SSRP1: variants seen among roughly 807,000 people sequenced by gnomAD.
SSRP1 encodes structure specific recognition protein 1, also known as FACT complex subunit SSRP1.
A neutral mutation model predicts 84.4 loss-of-function variants in SSRP1; 21 were observed. That is an observed-to-expected ratio of 0.25 (90% CI 0.18 to 0.36). The LOEUF is 0.36. SSRP1 is among the 10% of genes least tolerant of loss of function. The pLI is 1.00. For synonymous variants in SSRP1, 319 were observed against 318.3 expected (o/e 1.00, Z -0.02); for missense variants, 519 against 900.8 (o/e 0.58, Z 5.43).
chr11:57,330,411 C>A lies in SSRP1; in HGVS notation c.1315G>T (p.Asp439Tyr). ...GLKEGMNPSYDEYADSDEDQH... is the reference protein window; with the variant it reads ...GLKEGMNPSYYEYADSDEDQH... ...TCCTCATCAGAGTCAGCATATTCAT[C>A]GTAGCTTGGGTTCATGCCCTAGCCA... is the stretch of plus-strand genomic sequence containing the variant. Residue 439 changes from aspartate (D) to tyrosine (Y), a missense_variant, in exon 11 of 17, where the codon GAT becomes TAT. Coordinates refer to ENST00000278412, the MANE Select transcript of SSRP1 (RefSeq NM_003146.3). The surrounding 1 kb of genome is among the most constrained non-coding windows in gnomAD (Gnocchi z 4.0). 6.2e-7 allele frequency: 1 copy of A among 1,614,010 alleles called. No homozygotes were observed. The highest frequency in any genetic ancestry group is 8.5e-7 in the Non-Finnish European group (1 of 1,180,040).
At position 57,326,688 on chromosome 11, in the gene SSRP1, A is replaced by T. The variant is rs1180312237; in HGVS notation, c.2058+15T>A. The T allele has an allele frequency of 6.2e-7, 1 of 1,610,826 alleles. No individual in the cohort carries two copies. Among genetic ancestry groups the T allele is most frequent in the Non-Finnish European group, 8.5e-7 (1 of 1,178,212 alleles). ...TCACCCTGCCCAGCCCACAGGCCCC[A>T]CATTCCTGCCGCACCTCGCTCCTCC... On this transcript the variant is annotated intron_variant, in intron 16 of 16. Transcript: ENST00000278412.
Position 57,330,845 on chromosome 11 carries a change from A to G in SSRP1, c.1296+10T>C, listed in dbSNP as rs1453636645. On this transcript the variant is annotated intron_variant, in intron 10 of 16. Coordinates refer to ENST00000278412, the MANE Select transcript of SSRP1 (RefSeq NM_003146.3). The surrounding 1 kb of genome is among the most constrained non-coding windows in gnomAD (Gnocchi z 4.0). The stretch of plus-strand genomic sequence containing the variant: ...CAGGAGAGGGTCTCATCCTCCCCAC[A>G]CAGAAGTACCTCTTTCAATCCTCGG... 1 of 1,614,156 alleles carries G rather than the reference A, an allele frequency of 6.2e-7. No homozygotes were observed. Among genetic ancestry groups the G allele is most frequent in the Non-Finnish European group, 8.5e-7 (1 of 1,180,004 alleles).
chr11:57,331,899 G>A lies in SSRP1; in HGVS notation c.1002-10C>T, dbSNP rs181603095. 1.6e-4 allele frequency: 259 copies of A among 1,606,262 alleles called. 1 individual carries two copies. In the East Asian group the frequency reaches 2.4e-3, roughly 15 times the overall value. On this transcript the variant is annotated splice_polypyrimidine_tract_variant and intron_variant, in intron 8 of 16. Transcript: ENST00000278412. ...CTGGGCCCCTGAGTGCCTGACAGAGGGTGCAGGGAGCCTGGTTAGTGCCAA... is the reference window on the plus strand; with the variant it reads ...CTGGGCCCCTGAGTGCCTGACAGAGAGTGCAGGGAGCCTGGTTAGTGCCAA...
At position 57,330,676 on chromosome 11, in the gene SSRP1, T is replaced by TGGTCTAAGGTCTAAGGTCTAA; in HGVS notation, c.1296+178_1296+179insTTAGACCTTAGACCTTAGACC. The TGGTCTAAGGTCTAAGGTCTAA allele has an allele frequency of 6.9e-7, 1 of 1,456,404 alleles. No homozygotes were observed. Among genetic ancestry groups the TGGTCTAAGGTCTAAGGTCTAA allele is most frequent in the Non-Finnish European group, 9.0e-7 (1 of 1,110,040 alleles). 90.2% of individuals were successfully genotyped at this position (1,456,404 alleles called of 1,614,324 possible). A position where few individuals can be genotyped will look rare whatever the true frequency, so the allele number is the denominator to read the frequency against. On this transcript the variant is annotated intron_variant, in intron 10 of 16. Coordinates refer to ENST00000278412, the MANE Select transcript of SSRP1 (RefSeq NM_003146.3). The surrounding 1 kb of genome is among the most constrained non-coding windows in gnomAD (Gnocchi z 4.0). ...GGGGCTCCTGAGGGGCTGCATAGAC[T>TGGTCTAAGGTCTAAGGTCTAA]GGTCTAAGGTCATGCAGAGGAAACC...
rs1177899598 is a variant in SSRP1 at position 57,333,427 on chromosome 11, G to A, written c.346+8C>T. The A allele has an allele frequency of 5.0e-6, 8 of 1,611,826 alleles. No individual in the cohort carries two copies. The highest frequency in any genetic ancestry group is 1.7e-4 in the Middle Eastern group (1 of 6,058). ...CCTCCCCAAACCTCAGTCTTCCCCA[G>A]GACTCACCACCAAATTTCACTGTCC... On this transcript the variant is annotated splice_region_variant and intron_variant, in intron 4 of 16. Coordinates refer to ENST00000278412, the MANE Select transcript of SSRP1 (RefSeq NM_003146.3).
At chr11:57,327,666 C>T (rs1856012311) in intron 14 of SSRP1, 46 bp downstream of exon 14, 1 of 1,609,118 alleles carries the variant, frequency 6.2e-7, no homozygotes, top group African/African-American at 1.3e-5. Context: ...GACAGCACCT[C>T]TCGCCAGCCC....
At chr11:57,327,646 G>A (rs1227839611) in intron 14 of SSRP1, 66 bp downstream of exon 14, 6 of 1,603,084 alleles carry the variant, frequency 3.7e-6, no homozygotes, top group South Asian at 3.3e-5. Flanking sequence ...CATGAGACTC[G>A]CCACCCCAAG....
In SSRP1 at chr11:57,330,409, A is replaced by T; in HGVS notation, c.1317T>A (p.Asp439Glu). 6.2e-7 allele frequency: 1 copy of T among 1,613,904 alleles called. No individual in the cohort carries two copies. ...GLKEGMNPSY[D>E]EYADSDEDQH... ...GGTCCTCATCAGAGTCAGCATATTCATCGTAGCTTGGGTTCATGCCCTAGC... is the reference window on the plus strand; with the variant it reads ...GGTCCTCATCAGAGTCAGCATATTCTTCGTAGCTTGGGTTCATGCCCTAGC... Residue 439 changes from aspartate to glutamate, a missense_variant, in exon 11 of 17, where the codon GAT (aspartate) becomes GAA (glutamate). By Grantham distance (45) the Asp-to-Glu change is conservative. Transcript: ENST00000278412. The surrounding 1 kb of genome is among the most constrained non-coding windows in gnomAD (Gnocchi z 4.0).
chr11:57,330,532 C>T lies in SSRP1; in HGVS notation c.1297-103G>A. On this transcript the variant is annotated intron_variant, in intron 10 of 16. Coordinates refer to ENST00000278412, the MANE Select transcript of SSRP1 (RefSeq NM_003146.3). The surrounding 1 kb of genome is among the most constrained non-coding windows in gnomAD (Gnocchi z 4.0). ...TGCCTGTCAAGTCAGAGCAGCAGCT[C>T]CCAGAAGACCTGGGGCTGGATTGTC... 6.5e-7 allele frequency: 1 copy of T among 1,527,900 alleles called. No homozygotes were observed. The highest frequency in any genetic ancestry group is 1.2e-5 in the South Asian group (1 of 80,170). 94.6% of individuals were successfully genotyped at this position (1,527,900 alleles called of 1,614,324 possible). A position where few individuals can be genotyped will look rare whatever the true frequency, so the allele number is the denominator to read the frequency against.
Position 57,326,742 on chromosome 11 carries a change from C to T in SSRP1, c.2019G>A (p.Ser673=), listed in dbSNP as rs780972757. The T allele has an allele frequency of 5.0e-6, 8 of 1,614,188 alleles. No homozygotes were observed. Among genetic ancestry groups the T allele is most frequent in the African/African-American group, 1.3e-5 (1 of 75,062 alleles). ...KEFVSSDESS[S]GENKSKKKRR... ...TCTTCTTTTTGCTCTTGTTCTCTCCCGAAGAGCTCTCATCACTAGACACAA... is the reference window on the plus strand; with the variant it reads ...TCTTCTTTTTGCTCTTGTTCTCTCCTGAAGAGCTCTCATCACTAGACACAA... The change falls in exon 16 of 17, where the codon TCG becomes TCA. Residue 673 remains serine, a synonymous_variant. Coordinates refer to ENST00000278412, the MANE Select transcript of SSRP1 (RefSeq NM_003146.3).
At position 57,335,125 on chromosome 11, in the gene SSRP1, G is replaced by T. The variant is rs1488496447; in HGVS notation, c.-4C>A. On this transcript the variant is annotated 5_prime_UTR_variant, in exon 2 of 17. Coordinates refer to ENST00000278412, the MANE Select transcript of SSRP1 (RefSeq NM_003146.3). This position sits in a 1 kb window ranked among gnomAD's most constrained non-coding sequence, Gnocchi z 4.6. ...TGAACTCCAGTGTCTCTGCCATGTC[G>T]ACCCCTGCCTGTGGTGGCCTGGGCA... 6.2e-7 allele frequency: 1 copy of T among 1,613,926 alleles called. No individual in the cohort carries two copies. The highest frequency in any genetic ancestry group is 1.1e-5 in the South Asian group (1 of 91,050).
chr11:57,327,297 G>T, intron 15 of SSRP1, 129 bp downstream of exon 15: 1 of 967,690 alleles, frequency 1.0e-6, no homozygotes, highest in Non-Finnish European at 1.6e-6. Context: ...CCAGGTTTGA[G>T]AAGCACTACC....
rs139702168 is a variant in SSRP1 at position 57,330,412 on chromosome 11, G to A, written c.1314C>T (p.Tyr438=). 66 of 1,613,912 alleles carry A rather than the reference G, an allele frequency of 4.1e-5. No individual in the cohort carries two copies. In the African/African-American group the frequency reaches 7.3e-4, roughly 18 times the overall value. Residue 438 remains tyrosine, a synonymous_variant, in exon 11 of 17, where the codon TAC becomes TAT. Transcript: ENST00000278412. This position sits in a 1 kb window ranked among gnomAD's most constrained non-coding sequence, Gnocchi z 4.0. The part of the protein sequence containing the change: ...RGLKEGMNPS[Y]DEYADSDEDQ... ...CCTCATCAGAGTCAGCATATTCATC[G>A]TAGCTTGGGTTCATGCCCTAGCCAG... is the stretch of plus-strand genomic sequence containing the variant.
chr11:57,328,797 C>A (rs1387776214), intron 12 of SSRP1: 1 of 193,962 alleles, frequency 5.2e-6, no homozygotes, highest in Non-Finnish European at 1.0e-5. Flanking sequence ...CACTTCACCA[C>A]TTCCCTCGGA....
In SSRP1 at chr11:57,326,584, C is replaced by A. The variant is rs115442761; in HGVS notation, c.2059-106G>T. 28 of 1,589,000 alleles carry A rather than the reference C, an allele frequency of 1.8e-5. No homozygotes were observed. The African/African-American group carries it at 2.7e-4, about 15-fold the overall frequency. ...CTACCGCCCCCAACTACAGCACCCC[C>A]CTTCAGAACCTCAGAATTCCACCAT... On this transcript the variant is annotated intron_variant, in intron 16 of 16. Coordinates refer to ENST00000278412, the MANE Select transcript of SSRP1 (RefSeq NM_003146.3).
In SSRP1 at chr11:57,334,590, C is replaced by T. The variant is rs760119577; in HGVS notation, c.113G>A (p.Gly38Asp). 1 of 1,614,188 alleles carries T rather than the reference C, an allele frequency of 6.2e-7. No homozygotes were observed. Among genetic ancestry groups the T allele is most frequent in the Non-Finnish European group, 8.5e-7 (1 of 1,180,050 alleles). Residue 38 changes from glycine (G) to aspartate (D), a missense_variant, in exon 3 of 17, where the codon GGC (glycine) becomes GAC (aspartate). This residue lies in a region of SSRP1 where 88 missense variants were observed against 122.0 expected (regional missense o/e 0.72). Transcript: ENST00000278412. ...QGIIFKNSKT[G>D]KVDNIQAGEL... Reference sequence around the variant, plus strand: ...CCCAGCCTGGATGTTGTCCACTTTGCCTGTCTTGCTATTCTTGAAGATGAT... The same window carrying T: ...CCCAGCCTGGATGTTGTCCACTTTGTCTGTCTTGCTATTCTTGAAGATGAT...
Position 57,326,297 on chromosome 11 carries a change from A to C in SSRP1, c.*110T>G, listed in dbSNP as rs1855978228. 26 of 1,038,254 alleles carry C rather than the reference A, an allele frequency of 2.5e-5. No individual in the cohort carries two copies. Among genetic ancestry groups the C allele is most frequent in the Non-Finnish European group, 3.7e-5 (25 of 675,604 alleles). The allele number at this position is 1,038,254 out of a possible 1,614,324, so 64.3% of individuals were successfully genotyped here. A position where few individuals can be genotyped will look rare whatever the true frequency, so the allele number is the denominator to read the frequency against. ...CACACCAACAGGAGAGCATGTTCAG[A>C]TGGCACAGAATCCAGGGACTGCATT... is the stretch of plus-strand genomic sequence containing the variant. On this transcript the variant is annotated 3_prime_UTR_variant, in exon 17 of 17. Coordinates refer to ENST00000278412, the MANE Select transcript of SSRP1 (RefSeq NM_003146.3).
intron 15 of SSRP1, chr11:57,327,148 C>A (rs1856002228): frequency 5.8e-6 from 4 of 684,534 alleles, no homozygotes; most frequent in Non-Finnish European, 9.5e-6. Flanking sequence ...AGAGTTCATG[C>A]AAACTGTGCA....
chr11:57,332,751 A>AT lies in SSRP1; in HGVS notation c.641dup (p.Tyr214Ter). The change falls in exon 6 of 17, where the codon TAT becomes TAAT. Residue 214 changes from tyrosine (Y) to a stop codon, truncating the protein, a stop_gained and frameshift_variant. Coordinates refer to ENST00000278412, the MANE Select transcript of SSRP1 (RefSeq NM_003146.3). LOFTEE classifies it high-confidence loss of function. The surrounding 1 kb of genome is among the most constrained non-coding windows in gnomAD (Gnocchi z 5.5). ...GAAAGGTGGGGTAGATCCGAATGTC[A>AT]TAACGACCACGAGGAGTCAGACACT... The part of the protein sequence containing the change: ...ELQCLTPRGR[Y>*]DIRIYPTFLH... 6.2e-7 allele frequency: 1 copy of AT among 1,614,100 alleles called. No homozygotes were observed. Among genetic ancestry groups the AT allele is most frequent in the Non-Finnish European group, 8.5e-7 (1 of 1,180,020 alleles).
Sources: allele counts gnomAD v4.1 joint callset, GRCh38; gene constraint gnomAD v4.1.1; regional missense constraint gnomAD v4.1.1; non-coding constraint Gnocchi (gnomAD v3.1); transcripts MANE v1.5; gene names NCBI Gene and HGNC (gene_info 2026-07-23, HGNC 2026-07-21).